SLIT3: variants seen among roughly 807,000 people sequenced by gnomAD.
SLIT3 encodes slit guidance ligand 3.
A neutral mutation model predicts 184.0 loss-of-function variants in SLIT3; 68 were observed. The ratio of observed to expected loss-of-function variants is 0.37; its 90% confidence interval spans 0.30 to 0.45. SLIT3 has a LOEUF of 0.45. Ranked by LOEUF, SLIT3 falls within the 20% of genes least tolerant of loss-of-function variation. The pLI, the probability that SLIT3 is intolerant of heterozygous loss-of-function variation, is 1.00. For missense variants in SLIT3, 1,707 were observed against 2,026.0 expected (o/e 0.84, Z 3.02); for synonymous variants, 831 against 828.6 (o/e 1.00, Z -0.05).
chr5:169,086,767 G>C (rs989254677), intron 4 of SLIT3, among the ~76,000 whole-genome samples: 1 of 152,154 alleles, frequency 6.6e-6, no homozygotes, highest in African/African-American at 2.4e-5. Flanking sequence ...ATTCATCTCC[G>C]GGAAATCTAT....
At chr5:168,727,515 A>C (rs1480915544) in intron 20 of SLIT3, among the ~76,000 whole-genome samples, 1 of 152,136 alleles carries the variant, frequency 6.6e-6, no homozygotes. Context: ...CTGAAGTCTC[A>C]TGGGCCTGGA....
intron 4 of SLIT3, 24 bp downstream of exon 4, chr5:169,193,455 A>C: frequency 6.2e-7 from 1 of 1,605,820 alleles, no homozygotes; most frequent in Non-Finnish European, 8.5e-7. Context: ...CACAAGGTAG[A>C]GAACACAAGG....
At chr5:169,171,431 G>C (rs1243037093) in intron 4 of SLIT3, among the ~76,000 whole-genome samples, 1 of 152,190 alleles carries the variant, frequency 6.6e-6, no homozygotes, top group Non-Finnish European at 1.5e-5. Flanking sequence ...GGGAGGTGGA[G>C]GGAAAAAGTA....
At chr5:169,164,527 G>A (rs1762574230) in intron 4 of SLIT3, among the ~76,000 whole-genome samples, 1 of 152,116 alleles carries the variant, frequency 6.6e-6, no homozygotes, top group Admixed American at 6.5e-5. Context: ...TATGCACTGG[G>A]GTAAACTTGG....
chr5:169,025,311 C>T (rs546271471), intron 4 of SLIT3, among the ~76,000 whole-genome samples: 124 of 152,266 alleles, frequency 8.1e-4, no homozygotes, highest in Non-Finnish European at 1.1e-3. Context: ...ACTTAGACTC[C>T]AGAGTTCCCA....
chr5:168,722,169 C>CA, intron 23 of SLIT3, 87 bp downstream of exon 23: 1 of 1,213,728 alleles, frequency 8.2e-7, no homozygotes, highest in South Asian at 1.3e-5. Flanking sequence ...GGGCTTTGGG[C>CA]AGAGAGTGGG....
chr5:168,856,769 G>GTA (rs1417696988), intron 5 of SLIT3, among the ~76,000 whole-genome samples: 57 of 105,378 alleles, frequency 5.4e-4, no homozygotes, highest in African/African-American at 2.3e-3. Flanking sequence ...AGTTCCTCGT[G>GTA]TGTGTGTGTG....
At chr5:168,991,932 G>A (rs769381469) in intron 4 of SLIT3, among the ~76,000 whole-genome samples, 21 of 152,234 alleles carry the variant, frequency 1.4e-4, no homozygotes, top group African/African-American at 3.6e-4. Flanking sequence ...TTTCAGGGCC[G>A]GAGAGGCCCC....
Position 168,844,564 on chromosome 5 carries a change from CG to C in SLIT3, c.557+19del. The C allele has an allele frequency of 6.2e-7, 1 of 1,612,058 alleles. No homozygotes were observed. The highest frequency in any genetic ancestry group is 8.5e-7 in the Non-Finnish European group (1 of 1,178,304). On this transcript the variant is annotated intron_variant, in intron 6 of 35. Coordinates refer to ENST00000519560, the MANE Select transcript of SLIT3 (RefSeq NM_003062.4). ...ACACATGCACGCACACACAAGGCAG[CG>C]ATCGCAAAATCAACTCACAGGATCT...
chr5:168,769,240 C>CTGTGATAGGACCCTGA, intron 14 of SLIT3, among the ~76,000 whole-genome samples: 1 of 152,170 alleles, frequency 6.6e-6, no homozygotes, highest in African/African-American at 2.4e-5. Flanking sequence ...TTATATTCCT[C>CTGTGATAGGACCCTGA]TCTGTGATAG....
intron 4 of SLIT3, among the ~76,000 whole-genome samples, chr5:169,116,849 G>C (rs1465108863): frequency 6.6e-6 from 1 of 152,206 alleles, no homozygotes; most frequent in Non-Finnish European, 1.5e-5. Flanking sequence ...TGTCCTACTT[G>C]TTTATAGGGA....
intron 20 of SLIT3, among the ~76,000 whole-genome samples, chr5:168,747,357 G>A (rs1047948539): frequency 1.2e-4 from 18 of 152,202 alleles, no homozygotes; most frequent in Non-Finnish European, 4.4e-5. Flanking sequence ...TAAACCACGA[G>A]CCCCGTGAGT....
chr5:169,277,785 T>G (rs1192434278), intron 1 of SLIT3, among the ~76,000 whole-genome samples: 1 of 152,244 alleles, frequency 6.6e-6, no homozygotes, highest in African/African-American at 2.4e-5. Context: ...AGACTGGAAT[T>G]GCCAGATCGT....
At chr5:168,695,797 T>C in intron 28 of SLIT3, among the ~76,000 whole-genome samples, 1 of 152,112 alleles carries the variant, frequency 6.6e-6, no homozygotes, top group East Asian at 1.9e-4. Flanking sequence ...GGCTTATAGA[T>C]GTTATGTTCT....
chr5:168,803,609 G>A (rs966758594), intron 9 of SLIT3, among the ~76,000 whole-genome samples: 2 of 152,170 alleles, frequency 1.3e-5, no homozygotes, highest in African/African-American at 4.8e-5. Flanking sequence ...GGGGTGGCAG[G>A]CCCAGAGCCC....
intron 4 of SLIT3, among the ~76,000 whole-genome samples, chr5:169,163,820 G>A (rs1163509085): frequency 2.6e-5 from 4 of 152,120 alleles, no homozygotes; most frequent in Non-Finnish European, 4.4e-5. Flanking sequence ...CCACTCCTGC[G>A]CTCTTCCAAT....
intron 27 of SLIT3, among the ~76,000 whole-genome samples, chr5:168,697,073 C>T (rs764498631): frequency 1.3e-4 from 20 of 152,212 alleles, no homozygotes; most frequent in Non-Finnish European, 2.2e-4. Context: ...AGAAAATGCT[C>T]AGAACCCATT....
chr5:169,107,147 T>C (rs1414774174), intron 4 of SLIT3, among the ~76,000 whole-genome samples: 2 of 152,234 alleles, frequency 1.3e-5, no homozygotes, highest in Non-Finnish European at 2.9e-5. Flanking sequence ...TCCTCATGGC[T>C]GCCCATATGG....
chr5:168,993,219 T>G (rs970864112), intron 4 of SLIT3, among the ~76,000 whole-genome samples: 2 of 152,232 alleles, frequency 1.3e-5, no homozygotes, highest in Non-Finnish European at 2.9e-5. Flanking sequence ...TCCCGAGATG[T>G]CAGCCAAGCG....
Sources: allele counts gnomAD v4.1 joint callset (sites outside exome capture counted in the v4.1 genomes callset), GRCh38; gene constraint gnomAD v4.1.1; transcripts MANE v1.5; gene names NCBI Gene and HGNC (gene_info 2026-07-23, HGNC 2026-07-21).